BCL2L13: variants seen among roughly 807,000 people sequenced by gnomAD.
BCL2L13 encodes the protein BCL2 like 13.
A neutral mutation model predicts 25.8 loss-of-function variants in BCL2L13; 13 were observed. The ratio of observed to expected loss-of-function variants is 0.50; its 90% confidence interval spans 0.33 to 0.80. The LOEUF (loss-of-function observed/expected upper bound fraction) is 0.80, where lower values mean the gene tolerates loss of function less well. Among genes scored for constraint, BCL2L13 ranks in the 30% least tolerant of loss-of-function variants. The pLI, the probability that BCL2L13 is intolerant of heterozygous loss-of-function variation, is 0.02. For missense variants in BCL2L13, 504 were observed against 574.9 expected (o/e 0.88, Z 1.26); for synonymous variants, 244 against 230.3 (o/e 1.06, Z -0.54).
intron 6 of BCL2L13, among the ~76,000 whole-genome samples, chr22:17,713,525 G>A (rs1383818707): frequency 2.7e-5 from 4 of 146,376 alleles, no homozygotes; most frequent in Non-Finnish European, 5.9e-5. Flanking sequence ...GCTGTGGTAC[G>A]ATCTCAGCTC....
intron 6 of BCL2L13, chr22:17,702,867 A>G (rs538151922): frequency 6.6e-6 from 1 of 152,286 alleles, no homozygotes; most frequent in African/African-American, 2.4e-5. Flanking sequence ...AAATATATAT[A>G]TAGGGCTGGG....
intron 4 of BCL2L13, among the ~76,000 whole-genome samples, chr22:17,691,141 A>G (rs1181078167): frequency 6.6e-6 from 1 of 152,078 alleles, no homozygotes; most frequent in African/African-American, 2.4e-5. Context: ...TGCTAAGATT[A>G]CAGGTGTGAG....
chr22:17,645,786 A>G (rs543819898), intron 1 of BCL2L13, among the ~76,000 whole-genome samples: 1 of 151,504 alleles, frequency 6.6e-6, no homozygotes, highest in Non-Finnish European at 1.5e-5. Context: ...AAGTTAGTCT[A>G]GGTTTCCTTA....
rs1001973477 is a variant in BCL2L13 at position 17,683,192 on chromosome 22, TAAC to T, written c.122-21_122-19del. The T allele has an allele frequency of 1.5e-6, 2 of 1,303,538 alleles. No individual in the cohort carries two copies. The highest frequency in any genetic ancestry group is 3.0e-5 in the African/African-American group (2 of 67,372). The allele number at this position is 1,303,538 out of a possible 1,614,324, so 80.7% of individuals were successfully genotyped here. The stretch of plus-strand genomic sequence containing the variant: ...GGTTTCTCTCTCCCTCTTTCAATAA[TAAC>T]CTTTTTTGTTGCTTTCAGGGGTTCA... On this transcript the variant is annotated intron_variant, in intron 2 of 6. Coordinates refer to ENST00000317582, the MANE Select transcript of BCL2L13 (RefSeq NM_015367.4).
intron 2 of BCL2L13, among the ~76,000 whole-genome samples, chr22:17,664,061 C>G (rs1049753647): frequency 6.6e-6 from 1 of 152,138 alleles, no homozygotes; most frequent in African/African-American, 2.4e-5. Context: ...GTTGGCCAGC[C>G]TGGTCTTGGA....
intron 5 of BCL2L13, among the ~76,000 whole-genome samples, chr22:17,699,172 A>G (rs1386162491): frequency 1.3e-5 from 2 of 152,188 alleles, no homozygotes; most frequent in Non-Finnish European, 2.9e-5. Flanking sequence ...CTTACATTGT[A>G]TTTTGAAGCA....
At chr22:17,716,648 C>T (rs2060953447) in intron 6 of BCL2L13, among the ~76,000 whole-genome samples, 1 of 152,182 alleles carries the variant, frequency 6.6e-6, no homozygotes, top group South Asian at 2.1e-4. Flanking sequence ...TTAATGTGCT[C>T]AAGAAGGGAT....
chr22:17,700,480 A>G (rs2060400446), intron 5 of BCL2L13, among the ~76,000 whole-genome samples: 1 of 152,222 alleles, frequency 6.6e-6, no homozygotes, highest in South Asian at 2.1e-4. Flanking sequence ...TTAAACATGA[A>G]TAACTTTAAA....
chr22:17,666,585 T>C (rs2146587294), intron 2 of BCL2L13, among the ~76,000 whole-genome samples: 1 of 152,202 alleles, frequency 6.6e-6, no homozygotes, highest in East Asian at 1.9e-4. Context: ...TAAGTGAGAA[T>C]ATGCAATGTT....
chr22:17,642,630 G>A (rs1245810755), intron 1 of BCL2L13, among the ~76,000 whole-genome samples: 1 of 143,808 alleles, frequency 7.0e-6, no homozygotes, highest in Non-Finnish European at 1.5e-5. Context: ...TTTCACTCTT[G>A]TTGCCCAGGC....
At chr22:17,680,533 AAAAAAAAAG>A (rs2059715838) in intron 2 of BCL2L13, among the ~76,000 whole-genome samples, 17 of 77,506 alleles carry the variant, frequency 2.2e-4, no homozygotes, top group African/African-American at 7.4e-4. Flanking sequence ...AAAAAAAAAA[AAAAAAAAAG>A]AAAAAAAGAC....
chr22:17,669,275 G>T (rs1479696340), intron 2 of BCL2L13, among the ~76,000 whole-genome samples: 1 of 151,872 alleles, frequency 6.6e-6, no homozygotes, highest in Middle Eastern at 3.4e-3. Flanking sequence ...CTCGTGATCT[G>T]CCCGCCTCGG....
At chr22:17,659,458 G>A (rs1007299440) in intron 2 of BCL2L13, among the ~76,000 whole-genome samples, 2 of 144,964 alleles carry the variant, frequency 1.4e-5, no homozygotes, top group Non-Finnish European at 3.1e-5. Context: ...TCAGGAGATC[G>A]AGCCCATCCT....
At chr22:17,715,433 C>T (rs937082175) in intron 6 of BCL2L13, among the ~76,000 whole-genome samples, 1 of 151,184 alleles carries the variant, frequency 6.6e-6, no homozygotes, top group African/African-American at 2.4e-5. Flanking sequence ...CCACCCACCT[C>T]GGCCTCCCAA....
At chr22:17,722,032 G>A (rs2061150823) in intron 6 of BCL2L13, among the ~76,000 whole-genome samples, 5 of 152,152 alleles carry the variant, frequency 3.3e-5, no homozygotes, top group South Asian at 2.1e-4. Flanking sequence ...TTTGGTGTAC[G>A]TTTTTCTAAA....
intron 6 of BCL2L13, among the ~76,000 whole-genome samples, chr22:17,709,272 C>T (rs111353986): frequency 3.3e-4 from 50 of 151,630 alleles, no homozygotes; most frequent in Non-Finnish European, 6.2e-4. Context: ...GGCTCCAGCC[C>T]GGTGACATGG....
At chr22:17,698,710 CA>C (rs1601708447) in intron 5 of BCL2L13, among the ~76,000 whole-genome samples, 2 of 152,066 alleles carry the variant, frequency 1.3e-5, no homozygotes, top group South Asian at 4.2e-4. Flanking sequence ...GCCTGGGCAA[CA>C]GAGCCAGACT....
rs1470662704 is a variant in BCL2L13 at position 17,728,931 on chromosome 22, C to A, written c.*1397C>A. On this transcript the variant is annotated 3_prime_UTR_variant, in exon 7 of 7. Coordinates refer to ENST00000317582, the MANE Select transcript of BCL2L13 (RefSeq NM_015367.4). ...AGGGTAGACCCGTGTCTTTCCAGCCCTAAAGGAAGGGTAGACCCGTGTCTT... is the reference window on the plus strand; with the variant it reads ...AGGGTAGACCCGTGTCTTTCCAGCCATAAAGGAAGGGTAGACCCGTGTCTT... The A allele has an allele frequency of 5.3e-5, 8 of 152,190 alleles. No individual in the cohort carries two copies. Among genetic ancestry groups the A allele is most frequent in the Non-Finnish European group, 1.2e-4 (8 of 68,044 alleles). 9.4% of individuals were successfully genotyped at this position (152,190 alleles called of 1,614,324 possible). A position where few individuals can be genotyped will look rare whatever the true frequency, so the allele number is the denominator to read the frequency against.
Position 17,697,337 on chromosome 22 carries a change from C to T in BCL2L13, c.456+1127C>T, listed in dbSNP as rs554601402. Among the ~76,000 whole-genome samples, 4 of 152,188 alleles carry T rather than the reference C, an allele frequency of 2.6e-5. No homozygotes were observed. The South Asian group carries it at 6.2e-4, about 24-fold the overall frequency. The stretch of plus-strand genomic sequence containing the variant: ...CCTGTAGTCTCAGCTACTCAGGAGG[C>T]TGAGGCAGGAGAATTGCTTAAACCC... On this transcript the variant is annotated intron_variant, in intron 5 of 6. Coordinates refer to ENST00000317582, the MANE Select transcript of BCL2L13 (RefSeq NM_015367.4).
Sources: allele counts gnomAD v4.1 joint callset (sites outside exome capture counted in the v4.1 genomes callset), GRCh38; gene constraint gnomAD v4.1.1; transcripts MANE v1.5; gene names NCBI Gene and HGNC (gene_info 2026-07-23, HGNC 2026-07-21).